CCDC69: variants seen among roughly 807,000 people sequenced by gnomAD.
CCDC69 encodes coiled-coil domain-containing protein 69.
In CCDC69, 38 loss-of-function variants were observed where a neutral mutation model predicts 40.3. The observed-to-expected ratio is 0.94, with a 90% CI of 0.73 to 1.24. The LOEUF (loss-of-function observed/expected upper bound fraction) is 1.24. CCDC69 is among the 50% of genes most tolerant of loss of function. CCDC69 has a pLI of 0.00. For missense variants in CCDC69, 389 were observed against 357.9 expected (o/e 1.09, Z -0.70); for synonymous variants, 141 against 138.9 (o/e 1.02, Z -0.11).
chr5:151,223,832 G>T, intron 1 of CCDC69, 91 bp downstream of exon 1: 1 of 1,328,212 alleles, frequency 7.5e-7, no homozygotes, highest in Non-Finnish European at 1.0e-6. Context: ...GGGCCGACCA[G>T]AGAGAGCCCG....
intron 1 of CCDC69, chr5:151,215,793 C>G (rs1209218888): frequency 4.5e-6 from 1 of 220,956 alleles, no homozygotes. Flanking sequence ...TTAGTGAGGA[C>G]AAGGAGGATG....
In CCDC69 at chr5:151,182,324, GGTTA is replaced by G. The variant is rs1424551051; in HGVS notation, c.*1109_*1112del. On this transcript the variant is annotated 3_prime_UTR_variant, in exon 9 of 9. Coordinates refer to ENST00000355417, the MANE Select transcript of CCDC69 (RefSeq NM_015621.3). The stretch of plus-strand genomic sequence containing the variant: ...CTATCAGGACTGGACGGCCTGCTGA[GGTTA>G]GTTACTCTAGCCACCCCTTTTCACT... 1 of 152,528 alleles carries G rather than the reference GGTTA, an allele frequency of 6.6e-6. No homozygotes were observed. The highest frequency in any genetic ancestry group is 1.5e-5 in the Non-Finnish European group (1 of 68,334). The allele number at this position is 152,528 out of a possible 1,614,324, so 9.4% of individuals were successfully genotyped here. A position where few individuals can be genotyped will look rare whatever the true frequency, so the allele number is the denominator to read the frequency against.
chr5:151,209,270 T>G lies in CCDC69; in HGVS notation c.49-3795A>C, dbSNP rs559178907. On this transcript the variant is annotated intron_variant, in intron 1 of 8. Coordinates refer to ENST00000355417, the MANE Select transcript of CCDC69 (RefSeq NM_015621.3). ...ATATTGCATAAGACGATTGCCATGT[T>G]TCACAAACATGGCAAGAACAAAGAT... is the stretch of plus-strand genomic sequence containing the variant. Among the ~76,000 whole-genome samples, 5 of 152,366 alleles carry G rather than the reference T, an allele frequency of 3.3e-5. No homozygotes were observed. In the South Asian group the frequency reaches 6.2e-4, roughly 19 times the overall value.
At chr5:151,195,347 T>C (rs1332207063) in intron 4 of CCDC69, among the ~76,000 whole-genome samples, 4 of 152,162 alleles carry the variant, frequency 2.6e-5, no homozygotes, top group African/African-American at 9.7e-5. Context: ...AGAAGGTAGA[T>C]TTTAGAGATA....
At chr5:151,197,473 A>G (rs1752715751) in intron 4 of CCDC69, among the ~76,000 whole-genome samples, 1 of 152,212 alleles carries the variant, frequency 6.6e-6, no homozygotes, top group Admixed American at 6.5e-5. Context: ...AAGTGAGCCG[A>G]GATCGTGCCA....
Position 151,181,531 on chromosome 5 carries a change from T to C in CCDC69, c.*1906A>G, listed in dbSNP as rs1000246853. The C allele has an allele frequency of 6.6e-6, 1 of 152,354 alleles. No homozygotes were observed. The highest frequency in any genetic ancestry group is 2.4e-5 in the African/African-American group (1 of 41,466). The allele number at this position is 152,354 out of a possible 1,614,324, so 9.4% of individuals were successfully genotyped here. A position where few individuals can be genotyped will look rare whatever the true frequency, so the allele number is the denominator to read the frequency against. ...CTGTGCCTGGACTAAAACAATGCTTTCTAAAGCGCATTCTGCAGCCTGATG... is the reference window on the plus strand; with the variant it reads ...CTGTGCCTGGACTAAAACAATGCTTCCTAAAGCGCATTCTGCAGCCTGATG... On this transcript the variant is annotated 3_prime_UTR_variant, in exon 9 of 9. Transcript: ENST00000355417.
intron 1 of CCDC69, among the ~76,000 whole-genome samples, chr5:151,206,479 G>C (rs1183698681): frequency 1.3e-5 from 2 of 152,202 alleles, no homozygotes; most frequent in East Asian, 1.9e-4. Flanking sequence ...AAACCTCTAA[G>C]AGGAATAAGT....
rs1260643994 is a variant in CCDC69, at chr5:151,183,118, C to A, written c.*319G>T. On this transcript the variant is annotated 3_prime_UTR_variant, in exon 9 of 9. Transcript: ENST00000355417. ...TGTCTCCTTTATGTCAAATGGCCAGCGTGACACAGACTGCCCCTGGGAAAG... is the reference window on the plus strand; with the variant it reads ...TGTCTCCTTTATGTCAAATGGCCAGAGTGACACAGACTGCCCCTGGGAAAG... The A allele has an allele frequency of 1.9e-6, 1 of 514,496 alleles. No individual in the cohort carries two copies. Among genetic ancestry groups the A allele is most frequent in the Non-Finnish European group, 3.7e-6 (1 of 267,482 alleles). The allele number at this position is 514,496 out of a possible 1,614,324, so 31.9% of individuals were successfully genotyped here. A position where few individuals can be genotyped will look rare whatever the true frequency, so the allele number is the denominator to read the frequency against.
Position 151,186,125 on chromosome 5 carries a change from C to A in CCDC69, c.394-1G>T, listed in dbSNP as rs770488093. 4 of 1,607,132 alleles carry A rather than the reference C, an allele frequency of 2.5e-6. No homozygotes were observed. In the African/African-American group the frequency reaches 5.3e-5, roughly 21 times the overall value. On this transcript the variant is annotated splice_acceptor_variant, in intron 5 of 8. Coordinates refer to ENST00000355417, the MANE Select transcript of CCDC69 (RefSeq NM_015621.3). LOFTEE classifies it high-confidence loss of function. ...GTGAGGTCAGTCTGTCTATGGTCTC[C>A]TGGAGCAGGGAGTGGGATGGAGACA...
intron 7 of CCDC69, chr5:151,184,673 C>T (rs1752451949): frequency 2.2e-6 from 1 of 454,788 alleles, no homozygotes; most frequent in South Asian, 3.2e-5. Flanking sequence ...CCTACCATCT[C>T]ATTTCACCAT....
At chr5:151,188,167 T>A (rs1449421816) in intron 4 of CCDC69, among the ~76,000 whole-genome samples, 1 of 152,184 alleles carries the variant, frequency 6.6e-6, no homozygotes, top group Non-Finnish European at 1.5e-5. Context: ...CTTCATAAAG[T>A]TCCTTTTGGA....
At chr5:151,193,776 G>T (rs958741672) in intron 4 of CCDC69, among the ~76,000 whole-genome samples, 1 of 152,140 alleles carries the variant, frequency 6.6e-6, no homozygotes, top group Admixed American at 6.5e-5. Flanking sequence ...GCTTGGCTTT[G>T]TGAAAGACAT....
chr5:151,220,275 A>T (rs2114006828), intron 1 of CCDC69, among the ~76,000 whole-genome samples: 1 of 152,302 alleles, frequency 6.6e-6, no homozygotes, highest in South Asian at 2.1e-4. Context: ...ACTCTGTCAC[A>T]TACAGTCTTT....
intron 4 of CCDC69, among the ~76,000 whole-genome samples, chr5:151,192,584 C>T (rs577314804): frequency 6.6e-6 from 1 of 152,118 alleles, no homozygotes; most frequent in Admixed American, 6.6e-5. Context: ...TTGAAAAATT[C>T]GATTAAACAT....
rs1752539875 is a variant in CCDC69, at chr5:151,187,430, C to T, written c.349G>A (p.Glu117Lys). The change falls in exon 5 of 9, where the codon GAA becomes AAA. Residue 117 changes from glutamate to lysine, a missense_variant. Transcript: ENST00000355417. ...VLRASYEQEKEALTHSFREAS... is the reference protein window; with the variant it reads ...VLRASYEQEKKALTHSFREAS... ...TCCCGGAAAGAGTGGGTAAGCGCTT[C>T]TTTCTCCTGTTCATATGAGGCCCGG... The T allele has an allele frequency of 6.2e-7, 1 of 1,613,984 alleles. No individual in the cohort carries two copies. The highest frequency in any genetic ancestry group is 1.3e-5 in the African/African-American group (1 of 74,908).
intron 4 of CCDC69, among the ~76,000 whole-genome samples, chr5:151,197,744 T>C (rs996717258): frequency 4.7e-4 from 72 of 152,166 alleles, no homozygotes; most frequent in African/African-American, 1.7e-3. Flanking sequence ...AAATCATGAA[T>C]GTGACAAAGA....
intron 1 of CCDC69, among the ~76,000 whole-genome samples, chr5:151,207,954 TA>T (rs1029779104): frequency 1.3e-5 from 2 of 152,028 alleles, no homozygotes; most frequent in Admixed American, 1.3e-4. Flanking sequence ...AGAAACACTT[TA>T]AAAAACAAGT....
intron 1 of CCDC69, among the ~76,000 whole-genome samples, chr5:151,216,950 G>A (rs1426938899): frequency 1.3e-5 from 2 of 152,018 alleles, no homozygotes; most frequent in East Asian, 3.9e-4. Context: ...TGGGGTGCGG[G>A]GAATGAAGAA....
chr5:151,197,472 G>A lies in CCDC69; in HGVS notation c.319+1525C>T, dbSNP rs144934275. 3.3e-3 allele frequency among the ~76,000 whole-genome samples: 500 copies of A among 152,216 alleles called. 11 individuals are homozygous for A. The East Asian group carries it at 0.073, about 22-fold the overall frequency. On this transcript the variant is annotated intron_variant, in intron 4 of 8. Coordinates refer to ENST00000355417, the MANE Select transcript of CCDC69 (RefSeq NM_015621.3). ...CAAGAGGCGGAGGTTGAAGTGAGCC[G>A]AGATCGTGCCACTGTACTCCAGCCT...
Sources: allele counts gnomAD v4.1 joint callset (sites outside exome capture counted in the v4.1 genomes callset), GRCh38; gene constraint gnomAD v4.1.1; transcripts MANE v1.5; gene names NCBI Gene and HGNC (gene_info 2026-07-23, HGNC 2026-07-21).